The following GRID2 variants were observed in gnomAD, a reference collection of about 807,000 sequenced individuals.
GRID2 encodes the protein glutamate receptor ionotropic, delta-2.
Under a neutral mutation model 114.8 loss-of-function variants are expected in GRID2, and 33 were observed. That is an observed-to-expected ratio of 0.29 (90% CI 0.22 to 0.38). GRID2 has a LOEUF of 0.38. Ranked by LOEUF, GRID2 falls within the 10% of genes least tolerant of loss-of-function variation. The pLI is 1.00. For missense variants in GRID2, 1,184 were observed against 1,257.7 expected (o/e 0.94, Z 0.89); for synonymous variants, 505 against 449.9 (o/e 1.12, Z -1.55).
chr4:93,386,917 G>C (rs897235806), intron 8 of GRID2, among the ~76,000 whole-genome samples: 5 of 152,168 alleles, frequency 3.3e-5, no homozygotes, highest in Non-Finnish European at 7.3e-5. Context: ...GGCTAAGAAT[G>C]CAAATATGTA....
At chr4:93,190,875 G>T (rs1162823882) in intron 4 of GRID2, among the ~76,000 whole-genome samples, 3 of 151,892 alleles carry the variant, frequency 2.0e-5, no homozygotes, top group Admixed American at 2.0e-4. Context: ...GTAAAAGAAA[G>T]TTAAGGTATA....
At chr4:92,694,481 G>C (rs1166713472) in intron 2 of GRID2, among the ~76,000 whole-genome samples, 1 of 152,144 alleles carries the variant, frequency 6.6e-6, no homozygotes, top group Admixed American at 6.5e-5. Context: ...ACCCTGGTGG[G>C]CTGCCTCTCC....
intron 2 of GRID2, among the ~76,000 whole-genome samples, chr4:92,886,062 G>A (rs1746346898): frequency 6.6e-6 from 1 of 151,684 alleles, no homozygotes; most frequent in African/African-American, 2.4e-5. Flanking sequence ...AATAAATGTG[G>A]ACTTGCAATT....
chr4:92,996,876 C>T (rs1755233270), intron 2 of GRID2, among the ~76,000 whole-genome samples: 1 of 152,118 alleles, frequency 6.6e-6, no homozygotes, highest in Non-Finnish European at 1.5e-5. Context: ...CTGCTCCTGT[C>T]TCTCACACTC....
chr4:92,856,267 C>A (rs189252404), intron 2 of GRID2, among the ~76,000 whole-genome samples: 44 of 152,176 alleles, frequency 2.9e-4, no homozygotes, highest in African/African-American at 9.6e-4. Flanking sequence ...TCCTGTCCTT[C>A]TTGTCCTCTG....
chr4:93,395,774 T>A, intron 9 of GRID2, 66 bp downstream of exon 9: 1 of 715,700 alleles, frequency 1.4e-6, no homozygotes, highest in South Asian at 1.6e-5. Context: ...TTTCTTTCTT[T>A]ATTAACTGAT....
intron 2 of GRID2, among the ~76,000 whole-genome samples, chr4:92,815,914 C>CA (rs5860292): frequency 0.034 from 1,593 of 46,572 alleles, 2 homozygotes; most frequent in Non-Finnish European, 0.043. Flanking sequence ...GACCCTGTCT[C>CA]AAAAAAAAAA....
chr4:92,584,085 TG>T (rs140883138), intron 1 of GRID2, among the ~76,000 whole-genome samples: 3,507 of 151,980 alleles, frequency 0.023, 121 homozygotes, highest in African/African-American at 0.072. Flanking sequence ...TAATCTCTTT[TG>T]GTCATAATAC....
intron 12 of GRID2, among the ~76,000 whole-genome samples, chr4:93,497,722 A>G (rs78769313): frequency 0.017 from 2,593 of 151,696 alleles, 67 homozygotes; most frequent in African/African-American, 0.058. Flanking sequence ...TGTGTTGTCT[A>G]TCCCTCTGCC....
intron 1 of GRID2, among the ~76,000 whole-genome samples, chr4:92,437,567 C>G (rs1052313735): frequency 6.6e-6 from 1 of 152,226 alleles, no homozygotes; most frequent in African/African-American, 2.4e-5. Context: ...CTGGGCCCAG[C>G]TGACTGCTTA....
chr4:92,814,843 G>A (rs754371359), intron 2 of GRID2, among the ~76,000 whole-genome samples: 4 of 152,060 alleles, frequency 2.6e-5, no homozygotes, highest in Non-Finnish European at 5.9e-5. Flanking sequence ...TAGGAGCCAG[G>A]TATTAAAGAA....
chr4:93,768,077 C>T (rs1380457724), intron 14 of GRID2, among the ~76,000 whole-genome samples: 1 of 152,130 alleles, frequency 6.6e-6, no homozygotes, highest in Non-Finnish European at 1.5e-5. Flanking sequence ...TGAAGTGTCT[C>T]CTACGCAAGG....
chr4:93,164,356 G>A (rs967109454), intron 4 of GRID2, among the ~76,000 whole-genome samples: 4 of 152,024 alleles, frequency 2.6e-5, no homozygotes, highest in Non-Finnish European at 4.4e-5. Flanking sequence ...AAGGATAGCA[G>A]CACTGAGTAG....
At chr4:93,346,260 A>G (rs946227566) in intron 8 of GRID2, among the ~76,000 whole-genome samples, 1 of 152,146 alleles carries the variant, frequency 6.6e-6, no homozygotes, top group Non-Finnish European at 1.5e-5. Flanking sequence ...ACAATTATAT[A>G]ATGAAAAGCA....
intron 4 of GRID2, among the ~76,000 whole-genome samples, chr4:93,163,605 TA>T (rs1317480988): frequency 6.7e-6 from 1 of 150,278 alleles, no homozygotes; most frequent in Admixed American, 6.7e-5. Flanking sequence ...TAGCAGAATT[TA>T]AAAAAAGAGA....
At chr4:92,412,325 T>A (rs1731378484) in intron 1 of GRID2, among the ~76,000 whole-genome samples, 1 of 152,192 alleles carries the variant, frequency 6.6e-6, no homozygotes, top group South Asian at 2.1e-4. Context: ...AATATTTGTG[T>A]TTCACTAGTA....
At chr4:92,961,914 G>A (rs1431113134) in intron 2 of GRID2, among the ~76,000 whole-genome samples, 3 of 151,110 alleles carry the variant, frequency 2.0e-5, no homozygotes, top group Admixed American at 6.6e-5. Flanking sequence ...ATATCCTTAA[G>A]CTCAGGTAGT....
intron 2 of GRID2, among the ~76,000 whole-genome samples, chr4:92,698,047 A>G (rs1734502499): frequency 6.6e-6 from 1 of 152,170 alleles, no homozygotes; most frequent in African/African-American, 2.4e-5. Context: ...TACTGTGTAA[A>G]GAAATGCATA....
intron 10 of GRID2, among the ~76,000 whole-genome samples, chr4:93,435,198 T>C (rs1253247060): frequency 6.6e-6 from 1 of 152,178 alleles, no homozygotes; most frequent in Non-Finnish European, 1.5e-5. Context: ...GAAGCCTCAA[T>C]ATCTAGAAAA....
Sources: allele counts gnomAD v4.1 joint callset (sites outside exome capture counted in the v4.1 genomes callset), GRCh38; gene constraint gnomAD v4.1.1; transcripts MANE v1.5; gene names NCBI Gene and HGNC (gene_info 2026-07-23, HGNC 2026-07-21).